The following LAMC3 variants were observed in gnomAD, a reference collection of about 807,000 sequenced individuals.
The protein encoded by LAMC3 is laminin subunit gamma 3.
Under a neutral mutation model 173.8 loss-of-function variants are expected in LAMC3, and 128 were observed. The observed-to-expected ratio is 0.74, with a 90% CI of 0.64 to 0.85. LAMC3 has a LOEUF of 0.85. Ranked by LOEUF, LAMC3 falls within the 40% of genes least tolerant of loss-of-function variation. The pLI is 0.00. For synonymous variants in LAMC3, 897 were observed against 909.1 expected (o/e 0.99, Z 0.24); for missense variants, 2,022 against 2,156.0 (o/e 0.94, Z 1.23).
At chr9:131,047,853 AC>A (rs1345261572) in intron 8 of LAMC3, among the ~76,000 whole-genome samples, 2 of 150,528 alleles carry the variant, frequency 1.3e-5, no homozygotes, top group Admixed American at 6.6e-5. Flanking sequence ...ACAGGGTGAG[AC>A]TCTGTCTCAA....
rs1391967512 is a variant in LAMC3, at chr9:131,072,800, G to A, written c.3382G>A (p.Glu1128Lys). 39 of 1,613,018 alleles carry A rather than the reference G, an allele frequency of 2.4e-5. No individual in the cohort carries two copies. The highest frequency in any genetic ancestry group is 3.1e-5 in the Non-Finnish European group (37 of 1,179,710). The change falls in exon 19 of 28, where the codon GAG becomes AAG. Residue 1128 changes from glutamate to lysine, a missense_variant. Glu to Lys is a moderately conservative substitution (Grantham distance 56, BLOSUM62 1). Transcript: ENST00000361069. ...LEAVLESSEE[E>K]ILHAAAILAS... is the part of the protein sequence containing the mutation. ...GGCAGTGCTGGAGTCCTCGGAAGAG[G>A]AGATTCTGCATGCAGCTGCCATTCT...
At chr9:131,062,639 C>T (rs376624474) in intron 13 of LAMC3, among the ~76,000 whole-genome samples, 7 of 152,064 alleles carry the variant, frequency 4.6e-5, no homozygotes, top group East Asian at 3.9e-4. Flanking sequence ...GAGGCTGAGG[C>T]GGGCGGATCA....
chr9:131,083,391 C>T (rs924238221), intron 24 of LAMC3, among the ~76,000 whole-genome samples: 1 of 152,200 alleles, frequency 6.6e-6, no homozygotes, highest in African/African-American at 2.4e-5. Flanking sequence ...TTTAGAGACA[C>T]CCTTTCTTAC....
In LAMC3 at chr9:131,052,472, C is replaced by T; in HGVS notation, c.1631-19C>T. 6.2e-7 allele frequency: 1 copy of T among 1,603,500 alleles called. No homozygotes were observed. Among genetic ancestry groups the T allele is most frequent in the African/African-American group, 1.3e-5 (1 of 74,834 alleles). On this transcript the variant is annotated intron_variant, in intron 9 of 27. Coordinates refer to ENST00000361069, the MANE Select transcript of LAMC3 (RefSeq NM_006059.4). ...CTAACCATATGAAGACTGTCAAAGCCTTCTTCTCTTGTCTTCAGAGAAGTT... is the reference window on the plus strand; with the variant it reads ...CTAACCATATGAAGACTGTCAAAGCTTTCTTCTCTTGTCTTCAGAGAAGTT...
At chr9:131,012,806 TGGCC>T (rs1833446084) in intron 1 of LAMC3, among the ~76,000 whole-genome samples, 1 of 152,226 alleles carries the variant, frequency 6.6e-6, no homozygotes, top group African/African-American at 2.4e-5. Flanking sequence ...CGGCCAGCTC[TGGCC>T]CGGGGTCTCC....
intron 12 of LAMC3, among the ~76,000 whole-genome samples, chr9:131,059,479 G>A (rs1307483413): frequency 1.8e-4 from 22 of 118,928 alleles, no homozygotes; most frequent in African/African-American, 4.9e-4. Flanking sequence ...GCGACAGAGC[G>A]GACTCCGTCT....
At chr9:131,013,097 C>T (rs551798850) in intron 1 of LAMC3, among the ~76,000 whole-genome samples, 1 of 152,218 alleles carries the variant, frequency 6.6e-6, no homozygotes, top group Non-Finnish European at 1.5e-5. Flanking sequence ...ACCAAGGACT[C>T]GCCCAGGCGG....
intron 7 of LAMC3, 88 bp from the exon 8 acceptor site, chr9:131,045,436 T>C: frequency 4.1e-6 from 6 of 1,466,774 alleles, no homozygotes; most frequent in Non-Finnish European, 5.7e-6. Context: ...GATTCTAGAC[T>C]CTCATTGGTC....
rs746968424 is a variant in LAMC3, at chr9:131,041,693, G to A, written c.1340G>A (p.Arg447His). Residue 447 changes from arginine to histidine, a missense_variant, in exon 7 of 28, where the codon CGC (arginine) becomes CAC (histidine). Transcript: ENST00000361069. ...GACACCTGTGACCCCCGCAGTGGGC[G>A]CTGCCCCTGCAAAGAGAATGTGGAA... is the stretch of plus-strand genomic sequence containing the variant. ...SLDTCDPRSG[R>H]CPCKENVEGN... 22 of 1,613,836 alleles carry A rather than the reference G, an allele frequency of 1.4e-5. No individual in the cohort carries two copies. Among genetic ancestry groups the A allele is most frequent in the Middle Eastern group, 1.6e-4 (1 of 6,064 alleles).
chr9:131,064,815 C>A (rs975614655), intron 13 of LAMC3, among the ~76,000 whole-genome samples: 1 of 152,044 alleles, frequency 6.6e-6, no homozygotes, highest in Non-Finnish European at 1.5e-5. Flanking sequence ...CCAAGGCAGG[C>A]GGATCACCTG....
chr9:131,053,011 T>C (rs1179720716), intron 11 of LAMC3, 46 bp downstream of exon 11: 1 of 1,399,284 alleles, frequency 7.1e-7, no homozygotes, highest in Non-Finnish European at 1.0e-6. Flanking sequence ...GCTTGCCAGG[T>C]CTCAGAACTG....
rs758600722 is a variant in LAMC3, at chr9:131,057,084, G to T, written c.2095G>T (p.Gly699Cys). The stretch of plus-strand genomic sequence containing the variant: ...ATACAAGAGGGAGATGCCACAGGGG[G>T]GTCCCTATGCCAGCTGTGTCCCCTG... ...PGYKREMPQG[G>C]PYASCVPCTC... The change falls in exon 12 of 28, where the codon GGT becomes TGT. Residue 699 changes from glycine to cysteine, a missense_variant. By Grantham distance (159) the Gly-to-Cys change is radical (BLOSUM62 -3). Coordinates refer to ENST00000361069, the MANE Select transcript of LAMC3 (RefSeq NM_006059.4). The T allele has an allele frequency of 2.5e-6, 4 of 1,614,166 alleles. No homozygotes were observed. Among genetic ancestry groups the T allele is most frequent in the Non-Finnish European group, 2.5e-6 (3 of 1,180,028 alleles).
At position 131,009,213 on chromosome 9, in the gene LAMC3, C is replaced by T. The variant is rs137883250; in HGVS notation, c.-2C>T. On this transcript the variant is annotated 5_prime_UTR_variant, in exon 1 of 28. Coordinates refer to ENST00000361069, the MANE Select transcript of LAMC3 (RefSeq NM_006059.4). The surrounding 1 kb of genome is among the most constrained non-coding windows in gnomAD (Gnocchi z 4.3). Reference sequence around the variant, plus strand: ...GAGCGCGCGGCGTCGGTGCCCTTGACCATGGCGGCGGCTGCGCTTCTGCTG... The same window carrying T: ...GAGCGCGCGGCGTCGGTGCCCTTGATCATGGCGGCGGCTGCGCTTCTGCTG... The T allele has an allele frequency of 0.021, 25,682 of 1,224,466 alleles. 310 individuals carry two copies. Among genetic ancestry groups the T allele is most frequent in the Middle Eastern group, 0.027 (83 of 3,108 alleles). 75.9% of individuals were successfully genotyped at this position (1,224,466 alleles called of 1,614,324 possible).
intron 9 of LAMC3, among the ~76,000 whole-genome samples, chr9:131,052,239 C>T (rs546225489): frequency 1.3e-4 from 20 of 152,248 alleles, no homozygotes; most frequent in African/African-American, 4.6e-4. Flanking sequence ...TTCTAAAACC[C>T]AAGTTCAAAG....
At chr9:131,083,656 A>C (rs1347486153) in intron 24 of LAMC3, among the ~76,000 whole-genome samples, 1 of 152,152 alleles carries the variant, frequency 6.6e-6, no homozygotes, top group Non-Finnish European at 1.5e-5. Flanking sequence ...TTCACTTTCA[A>C]CTTAATTGAC....
intron 1 of LAMC3, among the ~76,000 whole-genome samples, chr9:131,012,037 T>A (rs559007233): frequency 7.0e-6 from 1 of 142,468 alleles, no homozygotes; most frequent in East Asian, 2.1e-4. Flanking sequence ...ACACTGTGAA[T>A]GTAGAGAGCG....
At chr9:131,043,353 G>A (rs1278097827) in intron 7 of LAMC3, among the ~76,000 whole-genome samples, 1 of 152,198 alleles carries the variant, frequency 6.6e-6, no homozygotes. Context: ...ACATTCACCA[G>A]AGCTGCTTGG....
rs112127365 is a variant in LAMC3 at position 131,014,845 on chromosome 9, C to T, written c.373+5258C>T. On this transcript the variant is annotated intron_variant, in intron 1 of 27. Transcript: ENST00000361069. ...TAGAAATGAAAAAATTAGCCGGGCG[C>T]GGGGGCAAGTGCCTGTAGTCCCAGC... Among the ~76,000 whole-genome samples, 118 of 152,152 alleles carry T rather than the reference C, an allele frequency of 7.8e-4. No homozygotes were observed. In the East Asian group the frequency reaches 0.013, roughly 17 times the overall value.
At chr9:131,016,074 A>C (rs1456548593) in intron 1 of LAMC3, among the ~76,000 whole-genome samples, 2 of 152,240 alleles carry the variant, frequency 1.3e-5, no homozygotes, top group Non-Finnish European at 2.9e-5. Context: ...CTCAGCCCTG[A>C]AAAAGGAGAT....
Sources: gnomAD v4.1 joint callset for allele counts (sites outside exome capture counted in the v4.1 genomes callset) on GRCh38, gnomAD v4.1.1 for gene constraint, Gnocchi (gnomAD v3.1) non-coding constraint, MANE v1.5 for transcripts, NCBI Gene and HGNC (gene_info 2026-07-23, HGNC 2026-07-21) for gene names.